CLK1: variants seen among roughly 807,000 people sequenced by gnomAD.
CLK1 encodes the protein dual specificity protein kinase CLK1.
Under a neutral mutation model 60.9 loss-of-function variants are expected in CLK1, and 40 were observed. That is an observed-to-expected ratio of 0.66 (90% CI 0.51 to 0.86). The LOEUF (loss-of-function observed/expected upper bound fraction) is 0.86, where lower values mean the gene tolerates loss of function less well. CLK1 is among the 40% of genes least tolerant of loss of function. CLK1 has a pLI of 0.00. For missense variants in CLK1, 563 were observed against 606.1 expected, an observed-to-expected ratio of 0.93 and a Z score of 0.75; for synonymous variants, 203 against 184.4, an observed-to-expected ratio of 1.10 and a Z score of -0.82.
chr2:200,857,841 T>C lies in CLK1; in HGVS notation c.709A>G (p.Ile237Val), dbSNP rs374265976. ...MLEWFEHHGH[I>V]CIVFELLGLS... ...CCCAATAGTTCAAAAACAATGCAAA[T>C]GTGACCATGATGCTCAAACCATTCC... The change falls in exon 7 of 13, where the codon ATT becomes GTT. Residue 237 changes from isoleucine (I) to valine (V), a missense_variant. Ile to Val is a conservative substitution (Grantham distance 29). Transcript: ENST00000321356. The C allele has an allele frequency of 4.3e-6, 7 of 1,613,708 alleles. No homozygotes were observed. The African/African-American group carries it at 6.7e-5, about 15-fold the overall frequency.
At chr2:200,856,371 T>G (rs2039044242) in intron 9 of CLK1, among the ~76,000 whole-genome samples, 1 of 151,786 alleles carries the variant, frequency 6.6e-6, no homozygotes, top group Non-Finnish European at 1.5e-5. Flanking sequence ...CGCCCCACCC[T>G]TGGCCTCCCA....
chr2:200,853,792 C>A, intron 12 of CLK1, 111 bp downstream of exon 12: 1 of 740,480 alleles, frequency 1.4e-6, no homozygotes. Flanking sequence ...GTGAGCTGGG[C>A]CAACATCGTG....
chr2:200,855,783 C>G (rs1289526523), intron 9 of CLK1, among the ~76,000 whole-genome samples: 2 of 151,960 alleles, frequency 1.3e-5, no homozygotes, highest in Non-Finnish European at 2.9e-5. Flanking sequence ...CCAAGGCAGG[C>G]AGATTGCTCC....
chr2:200,859,496 T>C (rs545613607), intron 5 of CLK1, among the ~76,000 whole-genome samples, 184 bp downstream of exon 5: 110 of 152,288 alleles, frequency 7.2e-4, no homozygotes, highest in Non-Finnish European at 1.3e-3. Flanking sequence ...AAATTATACA[T>C]ACTATTAGTA....
chr2:200,857,590 C>A (rs188108176), intron 7 of CLK1, 128 bp downstream of exon 7: 2 of 723,706 alleles, frequency 2.8e-6, no homozygotes, highest in East Asian at 2.8e-5. Flanking sequence ...GTAATCAAAT[C>A]TCTTCATACC....
intron 8 of CLK1, 38 bp from the exon 9 acceptor site, chr2:200,856,849 A>T: frequency 6.2e-7 from 1 of 1,613,676 alleles, no homozygotes; most frequent in Non-Finnish European, 8.5e-7. Context: ...GGCATAAGCT[A>T]TTAAGGCATA....
chr2:200,860,013 AAAC>A (rs1169948863), intron 4 of CLK1, 109 bp downstream of exon 4: 2 of 1,482,628 alleles, frequency 1.3e-6, no homozygotes, highest in East Asian at 4.9e-5. Flanking sequence ...TGGAAAAATA[AAAC>A]AAAAACAAAA....
In CLK1 at chr2:200,856,881, G is replaced by A. The variant is rs1409859096; in HGVS notation, c.927+10C>T. 1.2e-6 allele frequency: 2 copies of A among 1,614,012 alleles called. No individual in the cohort carries two copies. Among genetic ancestry groups the A allele is most frequent in the South Asian group, 2.2e-5 (2 of 91,080 alleles). On this transcript the variant is annotated intron_variant, in intron 8 of 12. Transcript: ENST00000321356. ...CATAAGATACTTTATGAATATTTTGGAAGACTTACTATTTTGGGATTATAC... is the reference window on the plus strand; with the variant it reads ...CATAAGATACTTTATGAATATTTTGAAAGACTTACTATTTTGGGATTATAC...
intron 1 of CLK1, chr2:200,863,103 T>C (rs2039167773): frequency 6.6e-6 from 1 of 152,198 alleles, no homozygotes; most frequent in Admixed American, 6.5e-5. Flanking sequence ...CTGCCGTTCT[T>C]TCTTACCGGC....
intron 1 of CLK1, chr2:200,864,170 CGGGG>C: frequency 6.4e-7 from 1 of 1,551,150 alleles, no homozygotes; most frequent in Non-Finnish European, 8.7e-7. Context: ...CCCCCCTCAA[CGGGG>C]AGCCTCGCCT....
Position 200,853,891 on chromosome 2 carries a change from T to G in CLK1, c.1311+12A>C. 6.3e-7 allele frequency: 1 copy of G among 1,594,936 alleles called. No homozygotes were observed. On this transcript the variant is annotated intron_variant, in intron 12 of 12. Transcript: ENST00000321356. ...CAGTTTTGACTATTTGAGCAATGTC[T>G]CAAAGGCTTACCTTCAGAGGTTTAC... is the stretch of plus-strand genomic sequence containing the variant.
intron 3 of CLK1, chr2:200,860,635 A>G (rs1395321455): frequency 1.4e-5 from 14 of 996,856 alleles, no homozygotes; most frequent in Non-Finnish European, 1.6e-5. Flanking sequence ...TTTCCTACCT[A>G]ATCTAAGAAA....
chr2:200,864,592 G>A lies in CLK1; in HGVS notation c.-29C>T, dbSNP rs915293303. On this transcript the variant is annotated 5_prime_UTR_variant, in exon 1 of 13. Transcript: ENST00000321356. ...CCTGGACAAAGACTCCAAGTCGAAGGAGACAAAGCTTGTAACGCAATCACG... is the reference window on the plus strand; with the variant it reads ...CCTGGACAAAGACTCCAAGTCGAAGAAGACAAAGCTTGTAACGCAATCACG... The A allele has an allele frequency of 9.5e-6, 2 of 210,182 alleles. No individual in the cohort carries two copies. Among genetic ancestry groups the A allele is most frequent in the African/African-American group, 2.3e-5 (1 of 43,664 alleles). 13.0% of individuals were successfully genotyped at this position (210,182 alleles called of 1,614,324 possible). A position where few individuals can be genotyped will look rare whatever the true frequency, so the allele number is the denominator to read the frequency against.
intron 5 of CLK1, 165 bp from the exon 6 acceptor site, chr2:200,858,254 T>C: frequency 3.2e-6 from 2 of 624,184 alleles, no homozygotes; most frequent in Non-Finnish European, 5.7e-6. Flanking sequence ...CAAATTTCTT[T>C]CATCAAACCA....
rs1190687392 is a variant in CLK1, at chr2:200,855,625, C to A, written c.1058-539G>T. Among the ~76,000 whole-genome samples, 9 of 148,148 alleles carry A rather than the reference C, an allele frequency of 6.1e-5. No individual in the cohort carries two copies. The South Asian group carries it at 8.6e-4, about 14-fold the overall frequency. ...GGGTGACAGAGCAAGACTCCGCCCCCCCCCCAAAAAATTATATATATACAC... is the reference window on the plus strand; with the variant it reads ...GGGTGACAGAGCAAGACTCCGCCCCACCCCCAAAAAATTATATATATACAC... On this transcript the variant is annotated intron_variant, in intron 9 of 12. Transcript: ENST00000321356.
Position 200,858,133 on chromosome 2 carries a change from G to C in CLK1, c.549-44C>G, listed in dbSNP as rs200880311. 44 of 1,231,974 alleles carry C rather than the reference G, an allele frequency of 3.6e-5. No homozygotes were observed. In the African/African-American group the frequency reaches 5.9e-4, roughly 17 times the overall value. The allele number at this position is 1,231,974 out of a possible 1,614,324, so 76.3% of individuals were successfully genotyped here. Reference sequence around the variant, plus strand: ...CAAATTTAAGAATGACAGACATGATGCTCAATTCCAGGTATTACTGTCTTC... The same window carrying C: ...CAAATTTAAGAATGACAGACATGATCCTCAATTCCAGGTATTACTGTCTTC... On this transcript the variant is annotated intron_variant, in intron 5 of 12. Transcript: ENST00000321356.
chr2:200,853,541 C>A, intron 12 of CLK1, 92 bp from the exon 13 acceptor site: 1 of 1,215,278 alleles, frequency 8.2e-7, no homozygotes, highest in Non-Finnish European at 1.1e-6. Context: ...TATATAACCA[C>A]CATAAAAACA....
chr2:200,856,653 A>C, intron 9 of CLK1, 29 bp downstream of exon 9: 1 of 1,535,294 alleles, frequency 6.5e-7, no homozygotes, highest in Non-Finnish European at 8.7e-7. Flanking sequence ...AGGAAATACA[A>C]AGGTTCTCAA....
At position 200,853,247 on chromosome 2, in the gene CLK1, T is replaced by A; in HGVS notation, c.*59A>T. ...AAGCTGTACAAAATAACTTAAAATT[T>A]AAAAATTAGACTGATACAGTCTGTA... On this transcript the variant is annotated 3_prime_UTR_variant, in exon 13 of 13. Transcript: ENST00000321356. 7.7e-7 allele frequency: 1 copy of A among 1,306,776 alleles called. No homozygotes were observed. The allele number at this position is 1,306,776 out of a possible 1,614,324, so 80.9% of individuals were successfully genotyped here.
Sources: gnomAD v4.1 joint callset for allele counts (sites outside exome capture counted in the v4.1 genomes callset) on GRCh38, gnomAD v4.1.1 for gene constraint, MANE v1.5 for transcripts, NCBI Gene and HGNC (gene_info 2026-07-23, HGNC 2026-07-21) for gene names.